Variants in KIAA1217 observed in about 807,000 individuals in gnomAD.
The protein encoded by KIAA1217 is KIAA1217.
A neutral mutation model predicts 163.9 loss-of-function variants in KIAA1217; 88 were observed. That is an observed-to-expected ratio of 0.54 (90% confidence interval 0.45 to 0.64). The LOEUF is 0.64. KIAA1217 is among the 30% of genes least tolerant of loss of function. KIAA1217 has a pLI of 0.00. For missense variants in KIAA1217, 2,372 were observed against 2,475.0 expected, an observed-to-expected ratio of 0.96 and a Z score of 0.88; for synonymous variants, 903 against 923.1, an observed-to-expected ratio of 0.98 and a Z score of 0.39.
intron 1 of KIAA1217, among the ~76,000 whole-genome samples, chr10:23,717,036 A>AC (rs1222392805): frequency 1.3e-5 from 2 of 152,126 alleles, no homozygotes; most frequent in Non-Finnish European, 2.9e-5. Context: ...CATGTTAAAC[A>AC]ACTAACCACA....
chr10:24,050,540 A>G (rs547260115), intron 2 of KIAA1217, among the ~76,000 whole-genome samples: 16 of 152,276 alleles, frequency 1.1e-4, no homozygotes, highest in Non-Finnish European at 2.2e-4. Flanking sequence ...CAGTTTTCCC[A>G]ACACCATTTA....
At chr10:23,815,518 C>T (rs969196085) in intron 1 of KIAA1217, among the ~76,000 whole-genome samples, 4 of 152,114 alleles carry the variant, frequency 2.6e-5, no homozygotes, top group African/African-American at 9.7e-5. Context: ...GTGGCAGGCG[C>T]CTGTAGTCCC....
At chr10:24,095,484 C>T (rs966751853) in intron 2 of KIAA1217, among the ~76,000 whole-genome samples, 11 of 152,138 alleles carry the variant, frequency 7.2e-5, no homozygotes, top group African/African-American at 2.4e-4. Flanking sequence ...CTGAACACAC[C>T]TTCTTCTCTT....
chr10:24,370,475 T>C (rs1365221844), intron 2 of KIAA1217, among the ~76,000 whole-genome samples: 1 of 152,182 alleles, frequency 6.6e-6, no homozygotes, highest in East Asian at 1.9e-4. Context: ...AAAATCATAT[T>C]CTTTGTTTCA....
At chr10:23,982,667 G>A (rs563004689) in intron 1 of KIAA1217, among the ~76,000 whole-genome samples, 20 of 150,584 alleles carry the variant, frequency 1.3e-4, no homozygotes, top group African/African-American at 4.6e-4. Context: ...GAGTTCAAAG[G>A]AGTCTCCTGC....
intron 1 of KIAA1217, among the ~76,000 whole-genome samples, chr10:23,877,943 C>T (rs759444418): frequency 6.6e-6 from 1 of 151,950 alleles, no homozygotes. Flanking sequence ...GTCAAGCTCC[C>T]ACAGAGGAAC....
chr10:23,782,517 C>T (rs1835304450), intron 1 of KIAA1217, among the ~76,000 whole-genome samples: 1 of 152,174 alleles, frequency 6.6e-6, no homozygotes, highest in Non-Finnish European at 1.5e-5. Flanking sequence ...ACTGCAACCT[C>T]TGCCTCCCAG....
At chr10:24,025,974 T>G (rs1041643667) in intron 2 of KIAA1217, among the ~76,000 whole-genome samples, 2 of 151,870 alleles carry the variant, frequency 1.3e-5, no homozygotes. Context: ...TAACTTTCTC[T>G]TTCTAATTGG....
intron 1 of KIAA1217, among the ~76,000 whole-genome samples, chr10:24,212,188 G>C (rs1208615516): frequency 6.6e-6 from 1 of 152,150 alleles, no homozygotes; most frequent in African/African-American, 2.4e-5. Flanking sequence ...ATTCAACTTG[G>C]GATGTAAGAG....
intron 1 of KIAA1217, among the ~76,000 whole-genome samples, chr10:23,903,101 T>C (rs562840500): frequency 5.1e-4 from 77 of 152,160 alleles, no homozygotes; most frequent in Admixed American, 4.8e-3. Context: ...AAAGTGACTA[T>C]TGTCATTAGC....
intron 1 of KIAA1217, among the ~76,000 whole-genome samples, chr10:23,997,472 G>GT (rs1228193235): frequency 2.0e-5 from 3 of 152,196 alleles, no homozygotes; most frequent in Non-Finnish European, 2.9e-5. Context: ...GCAGTGAAAT[G>GT]TAAGTTGTTC....
chr10:23,898,307 A>C lies in KIAA1217; in HGVS notation c.-320-108918A>C, dbSNP rs1291930703. ...TATATTTATAAGACTATATATATAC[A>C]CACACACACACACACACACATATAT... On this transcript the variant is annotated intron_variant, in intron 1 of 18. Transcript: ENST00000376462. Among the ~76,000 whole-genome samples the C allele has an allele frequency of 4.7e-5, 4 of 84,694 alleles. No individual in the cohort carries two copies. In the Admixed American group the frequency reaches 5.2e-4, roughly 11 times the overall value. 55.6% of individuals were successfully genotyped at this position (84,694 alleles called of 152,430 possible).
At chr10:24,073,465 G>C (rs2061260701) in intron 2 of KIAA1217, among the ~76,000 whole-genome samples, 2 of 152,174 alleles carry the variant, frequency 1.3e-5, no homozygotes, top group Non-Finnish European at 2.9e-5. Context: ...GAAGTGCAAG[G>C]GTTCTTGGCT....
chr10:23,947,799 A>G lies in KIAA1217; in HGVS notation c.-320-59426A>G, dbSNP rs531533145. Among the ~76,000 whole-genome samples the G allele has an allele frequency of 5.6e-4, 86 of 152,290 alleles. No homozygotes were observed. In the South Asian group the frequency reaches 0.017, roughly 30 times the overall value. On this transcript the variant is annotated intron_variant, in intron 1 of 18. Transcript: ENST00000376462. ...TAGTGTAGGGATACAGACAGTAAACAAGGTAAGTACATATAGGACATCATA... is the reference window on the plus strand; with the variant it reads ...TAGTGTAGGGATACAGACAGTAAACGAGGTAAGTACATATAGGACATCATA...
intron 2 of KIAA1217, among the ~76,000 whole-genome samples, chr10:24,327,800 A>C (rs1416273904): frequency 6.6e-6 from 1 of 152,132 alleles, no homozygotes; most frequent in African/African-American, 2.4e-5. Context: ...TACTGACAAG[A>C]AAATGGAGAC....
At chr10:23,803,952 AT>A (rs1836610402) in intron 1 of KIAA1217, among the ~76,000 whole-genome samples, 1 of 152,242 alleles carries the variant, frequency 6.6e-6, no homozygotes, top group African/African-American at 2.4e-5. Context: ...TTTATAAAAA[AT>A]CAATAATTTT....
chr10:23,735,799 A>G (rs1221483322), intron 1 of KIAA1217, among the ~76,000 whole-genome samples: 1 of 152,222 alleles, frequency 6.6e-6, no homozygotes, highest in Admixed American at 6.5e-5. Flanking sequence ...ATTGACATAC[A>G]ATAAATGACA....
chr10:24,321,864 T>C (rs1458991231), intron 2 of KIAA1217, among the ~76,000 whole-genome samples: 2 of 152,180 alleles, frequency 1.3e-5, no homozygotes, highest in Non-Finnish European at 2.9e-5. Context: ...CATAACAACA[T>C]GAAAATACTT....
intron 3 of KIAA1217, among the ~76,000 whole-genome samples, chr10:24,395,985 T>C (rs1251058365): frequency 6.6e-6 from 1 of 152,126 alleles, no homozygotes; most frequent in Non-Finnish European, 1.5e-5. Flanking sequence ...ATAGGAGCCT[T>C]CTTAAGAGTA....
Sources: gnomAD v4.1 joint callset for allele counts (sites outside exome capture counted in the v4.1 genomes callset) on GRCh38, gnomAD v4.1.1 for gene constraint, MANE v1.5 for transcripts, NCBI Gene and HGNC (gene_info 2026-07-23, HGNC 2026-07-21) for gene names.